Variants in MYBPC2 observed in about 807,000 individuals in gnomAD.
The protein encoded by MYBPC2 is myosin-binding protein C, fast-type.
In MYBPC2, 122 loss-of-function variants were observed where a neutral mutation model predicts 137.0. The observed-to-expected ratio is 0.89, with a 90% CI of 0.77 to 1.03. MYBPC2 has a LOEUF of 1.03. Among genes scored for constraint, MYBPC2 ranks in the 50% least tolerant of loss-of-function variants. The pLI is 0.00. For synonymous variants in MYBPC2, 626 were observed against 612.3 expected, an observed-to-expected ratio of 1.02 and a Z score of -0.33; for missense variants, 1,500 against 1,534.4, an observed-to-expected ratio of 0.98 and a Z score of 0.37.
chr19:50,458,140 T>A (rs1174000259), intron 20 of MYBPC2, among the ~76,000 whole-genome samples: 1 of 151,210 alleles, frequency 6.6e-6, no homozygotes, highest in African/African-American at 2.4e-5. Flanking sequence ...TGAAACCCCA[T>A]CTCTATTAAA....
Position 50,459,096 on chromosome 19 carries a change from G to T in MYBPC2, c.2596-15G>T. ...AGCCCCGCTGACCCCACCCCGCCCC[G>T]CCCTCTCCCCGCAGGGAAAGCCCCG... On this transcript the variant is annotated splice_polypyrimidine_tract_variant and intron_variant, in intron 22 of 27. Transcript: ENST00000357701. 1.3e-6 allele frequency: 1 copy of T among 750,912 alleles called. No individual in the cohort carries two copies. Among genetic ancestry groups the T allele is most frequent in the Non-Finnish European group, 2.1e-6 (1 of 479,506 alleles). The allele number at this position is 750,912 out of a possible 1,614,324, so 46.5% of individuals were successfully genotyped here. A position where few individuals can be genotyped will look rare whatever the true frequency, so the allele number is the denominator to read the frequency against.
chr19:50,445,996 G>A lies in MYBPC2; in HGVS notation c.1250G>A (p.Gly417Asp). Residue 417 changes from glycine (G) to aspartate (D), a missense_variant, in exon 12 of 28, where the codon GGT becomes GAT. By Grantham distance (94) the Gly-to-Asp change is moderately conservative. Transcript: ENST00000357701. The stretch of plus-strand genomic sequence containing the variant: ...TCAGACGTGGTCCAGGAGGACAGGG[G>A]TCGCTATCAGGTCATAACCAATGGC... ...IFSDVVQEDR[G>D]RYQVITNGGQ... The A allele has an allele frequency of 1.9e-6, 3 of 1,613,496 alleles. No individual in the cohort carries two copies. Among genetic ancestry groups the A allele is most frequent in the Non-Finnish European group, 1.7e-6 (2 of 1,179,702 alleles).
Position 50,440,967 on chromosome 19 carries a change from G to C in MYBPC2, c.660G>C (p.Gly220=), listed in dbSNP as rs757877926. 6.2e-7 allele frequency: 1 copy of C among 1,613,834 alleles called. No individual in the cohort carries two copies. Among genetic ancestry groups the C allele is most frequent in the Non-Finnish European group, 8.5e-7 (1 of 1,179,830 alleles). Residue 220 remains glycine (G), a synonymous_variant, in exon 8 of 28, where the codon GGG becomes GGC. Transcript: ENST00000357701. ...CGGAGATTTGGGAGCTCCTGAAAGGGGCAAAGAAGAGCGAGTACGAGAAAA... is the reference window on the plus strand; with the variant it reads ...CGGAGATTTGGGAGCTCCTGAAAGGCGCAAAGAAGAGCGAGTACGAGAAAA... The part of the protein sequence containing the change: ...IPPEIWELLK[G]AKKSEYEKIA...
chr19:50,464,475 T>A lies in MYBPC2; in HGVS notation c.3358T>A (p.Cys1120Ser). ...GCCCTTCGACGCTGGGACTTACACC[T>A]GCCGGGCCGTCAACGAGCTGGGCGA... ...PSPFDAGTYT[C>S]RAVNELGEAL... The change falls in exon 27 of 28, where the codon TGC becomes AGC. Residue 1120 changes from cysteine (C) to serine (S), a missense_variant. Physicochemically the swap from Cys to Ser is moderately radical, Grantham distance 112. Coordinates refer to ENST00000357701, the MANE Select transcript of MYBPC2 (RefSeq NM_004533.4). 4 of 1,613,046 alleles carry A rather than the reference T, an allele frequency of 2.5e-6. No individual in the cohort carries two copies. Among genetic ancestry groups the A allele is most frequent in the Non-Finnish European group, 2.5e-6 (3 of 1,179,614 alleles).
intron 9 of MYBPC2, among the ~76,000 whole-genome samples, chr19:50,442,783 T>G (rs2039768247): frequency 6.6e-6 from 1 of 151,704 alleles, no homozygotes; most frequent in East Asian, 2.0e-4. Context: ...ATTAATTACC[T>G]AATTTTGTTT....
At chr19:50,461,202 G>A (rs575725569) in intron 24 of MYBPC2, among the ~76,000 whole-genome samples, 5 of 149,544 alleles carry the variant, frequency 3.3e-5, no homozygotes, top group South Asian at 4.3e-4. Context: ...CAAGGGTCTC[G>A]CCGGGTTGCC....
At chr19:50,436,551 T>A (rs2039705292) in intron 4 of MYBPC2, 66 bp from the exon 5 acceptor site, 2 of 1,384,934 alleles carry the variant, frequency 1.4e-6, no homozygotes, top group Non-Finnish European at 1.0e-6. Flanking sequence ...ATGAGTGGAC[T>A]CTGAGGAATA....
Position 50,443,775 on chromosome 19 carries a change from A to C in MYBPC2, c.1092A>C (p.Glu364Asp), listed in dbSNP as rs1484186858. 6.2e-7 allele frequency: 1 copy of C among 1,613,832 alleles called. No homozygotes were observed. Among genetic ancestry groups the C allele is most frequent in the East Asian group, 2.2e-5 (1 of 44,878 alleles). ...AGGTGTTTGTGGGTGACCGGGTGGA[A>C]ATGGCAGTGGAGGTGTCAGAAGAGG... is the stretch of plus-strand genomic sequence containing the variant. ...DQQVFVGDRV[E>D]MAVEVSEEGA... The change falls in exon 11 of 28, where the codon GAA becomes GAC. Residue 364 changes from glutamate (E) to aspartate (D), a missense_variant. Coordinates refer to ENST00000357701, the MANE Select transcript of MYBPC2 (RefSeq NM_004533.4).
intron 18 of MYBPC2, 51 bp downstream of exon 18, chr19:50,454,420 GTTTTT>G (rs36109908): frequency 3.5e-3 from 2,544 of 735,440 alleles, no homozygotes; most frequent in East Asian, 4.3e-3. Flanking sequence ...TCTGCCTTCT[GTTTTT>G]TTTTTTTTTT....
At chr19:50,448,537 CA>C (rs1199965305) in intron 13 of MYBPC2, 147 bp downstream of exon 13, 2 of 1,076,092 alleles carry the variant, frequency 1.9e-6, no homozygotes, top group African/African-American at 3.2e-5. Flanking sequence ...GGCGCGATCT[CA>C]GCTCACTGCA....
rs376372537 is a variant in MYBPC2 at position 50,435,886 on chromosome 19, G to A, written c.196+24G>A. Reference sequence around the variant, plus strand: ...TGGTGAGGGGAACCCGGGGGAGGAGGGGCTGCGGCCCGGACTCCTGGGTCT... The same window carrying A: ...TGGTGAGGGGAACCCGGGGGAGGAGAGGCTGCGGCCCGGACTCCTGGGTCT... On this transcript the variant is annotated intron_variant, in intron 3 of 27. Coordinates refer to ENST00000357701, the MANE Select transcript of MYBPC2 (RefSeq NM_004533.4). The surrounding 1 kb of genome is among the most constrained non-coding windows in gnomAD (Gnocchi z 4.8). 188 of 1,565,820 alleles carry A rather than the reference G, an allele frequency of 1.2e-4. No individual in the cohort carries two copies. Among genetic ancestry groups the A allele is most frequent in the Non-Finnish European group, 1.6e-4 (181 of 1,153,586 alleles).
At chr19:50,449,110 A>G (rs1238669665) in intron 13 of MYBPC2, among the ~76,000 whole-genome samples, 1 of 152,104 alleles carries the variant, frequency 6.6e-6, no homozygotes, top group African/African-American at 2.4e-5. Flanking sequence ...GCACTTTGGG[A>G]GGCCAAGGCA....
intron 11 of MYBPC2, among the ~76,000 whole-genome samples, chr19:50,444,771 T>G (rs1286376204): frequency 6.6e-6 from 1 of 150,462 alleles, no homozygotes; most frequent in Non-Finnish European, 1.5e-5. Flanking sequence ...TCCCAGCTAC[T>G]TGGGAGGCTG....
At position 50,437,699 on chromosome 19, in the gene MYBPC2, A is replaced by G. The variant is rs142031260; in HGVS notation, c.553A>G (p.Ser185Gly). Residue 185 changes from serine to glycine, a missense_variant, in exon 7 of 28, where the codon AGT becomes GGT. Transcript: ENST00000357701. Reference protein sequence around the residue: ...KSDTAGELDFSGLLKKREVVE... With the variant: ...KSDTAGELDFGGLLKKREVVE... ...GGATACTGCAGGTGAGCTGGATTTC[A>G]GTGGCCTGTTGAAGAAGAGGTGAGC... is the stretch of plus-strand genomic sequence containing the variant. 35 of 1,604,628 alleles carry G rather than the reference A, an allele frequency of 2.2e-5. No individual in the cohort carries two copies. The highest frequency in any genetic ancestry group is 2.9e-5 in the Non-Finnish European group (34 of 1,175,506).
chr19:50,464,355 G>T lies in MYBPC2; in HGVS notation c.3238G>T (p.Val1080Phe). ...AVRGHPKPKV[V>F]WMKNKMEIRE... ...CCTTGACTCTCAACAGCCGAAGGTG[G>T]TCTGGATGAAGAACAAGATGGAAAT... The change falls in exon 27 of 28, where the codon GTC becomes TTC. Residue 1080 changes from valine (V) to phenylalanine (F), a missense_variant. By Grantham distance (50) the Val-to-Phe change is conservative. Coordinates refer to ENST00000357701, the MANE Select transcript of MYBPC2 (RefSeq NM_004533.4). 2 of 1,606,516 alleles carry T rather than the reference G, an allele frequency of 1.2e-6. No homozygotes were observed. Among genetic ancestry groups the T allele is most frequent in the Non-Finnish European group, 1.7e-6 (2 of 1,176,678 alleles).
intron 11 of MYBPC2, among the ~76,000 whole-genome samples, chr19:50,444,493 T>C (rs2039785750): frequency 6.6e-6 from 1 of 152,160 alleles, no homozygotes; most frequent in Admixed American, 6.6e-5. Flanking sequence ...CATTCATCCA[T>C]CTATGTACCT....
At chr19:50,447,620 G>T (rs988835240) in intron 12 of MYBPC2, among the ~76,000 whole-genome samples, 13 of 152,080 alleles carry the variant, frequency 8.5e-5, no homozygotes, top group Admixed American at 7.2e-4. Flanking sequence ...CACTTCGGGA[G>T]GCCAAAGCGG....
Position 50,455,502 on chromosome 19 carries a change from G to A in MYBPC2, c.2204-8G>A, listed in dbSNP as rs2039901064. On this transcript the variant is annotated splice_region_variant and splice_polypyrimidine_tract_variant and intron_variant, in intron 19 of 27. Coordinates refer to ENST00000357701, the MANE Select transcript of MYBPC2 (RefSeq NM_004533.4). ...CCCCCCATATCCTCTTTTTCTGGAT[G>A]CTTGCAGCACCCACGAGTGAACCCC... 1 of 1,609,584 alleles carries A rather than the reference G, an allele frequency of 6.2e-7. No individual in the cohort carries two copies. Among genetic ancestry groups the A allele is most frequent in the South Asian group, 1.1e-5 (1 of 90,908 alleles).
At chr19:50,446,542 G>A (rs2039807545) in intron 12 of MYBPC2, among the ~76,000 whole-genome samples, 1 of 140,482 alleles carries the variant, frequency 7.1e-6, no homozygotes, top group Admixed American at 7.2e-5. Context: ...AAACAAACCT[G>A]GGCGCGGTGG....
Sources: gnomAD v4.1 joint callset for allele counts (sites outside exome capture counted in the v4.1 genomes callset) on GRCh38, gnomAD v4.1.1 for gene constraint, Gnocchi (gnomAD v3.1) non-coding constraint, MANE v1.5 for transcripts, NCBI Gene and HGNC (gene_info 2026-07-23, HGNC 2026-07-21) for gene names.